The following INKA2 variants were observed in gnomAD, a reference collection of about 807,000 sequenced individuals.
INKA2 encodes PAK4-inhibitor INKA2.
In INKA2, 3 loss-of-function variants were observed where a neutral mutation model predicts 9.8. The ratio of observed to expected loss-of-function variants is 0.31; its 90% CI spans 0.14 to 0.79. INKA2 has a LOEUF of 0.79. Among genes scored for constraint, INKA2 ranks in the 30% least tolerant of loss-of-function variants. The pLI, the probability that INKA2 is intolerant of heterozygous loss-of-function variation, is 0.62. For synonymous variants in INKA2, 147 were observed against 143.3 expected, an observed-to-expected ratio of 1.03 and a Z score of -0.18; for missense variants, 392 against 384.4, an observed-to-expected ratio of 1.02 and a Z score of -0.17.
At position 111,755,726 on chromosome 1, in the gene INKA2, C is replaced by T. The variant is rs568546970; in HGVS notation, n.99G>A. On this transcript the variant is annotated non_coding_transcript_exon_variant, in exon 1 of 2. Transcript: ENST00000444059. ...CAGTTGCCTCATCTTTCCTCTCCTC[C>T]CTCTTGGGGCTTTCCTCAGGCCACA... is the stretch of plus-strand genomic sequence containing the variant. 3 of 1,613,940 alleles carry T rather than the reference C, an allele frequency of 1.9e-6. No homozygotes were observed. The South Asian group carries it at 3.3e-5, about 18-fold the overall frequency.
At position 111,724,385 on chromosome 1, in the gene INKA2, T is replaced by C. The variant is rs1662718201; in HGVS notation, c.*2583A>G. 6.6e-6 allele frequency: 1 copy of C among 152,220 alleles called. No homozygotes were observed. Among genetic ancestry groups the C allele is most frequent in the South Asian group, 2.1e-4 (1 of 4,820 alleles). The allele number at this position is 152,220 out of a possible 1,614,324, so 9.4% of individuals were successfully genotyped here. On this transcript the variant is annotated 3_prime_UTR_variant, in exon 2 of 2. Coordinates refer to ENST00000357260, the MANE Select transcript of INKA2 (RefSeq NM_019099.5). The stretch of plus-strand genomic sequence containing the variant: ...CACTGTGACCAGTCCACGAAACACG[T>C]GAGTTATAGGTGAATGTCCAAGAAG...
intron 1 of INKA2, among the ~76,000 whole-genome samples, chr1:111,738,950 CTCTG>C (rs1158486849): frequency 3.9e-5 from 6 of 152,320 alleles, no homozygotes; most frequent in East Asian, 1.9e-4. Context: ...GGCTTGCTCC[CTCTG>C]TCTCTCTGTC....
intron 1 of INKA2, among the ~76,000 whole-genome samples, 161 bp downstream of exon 1, chr1:111,739,025 G>C (rs1022029844): frequency 6.6e-6 from 1 of 152,042 alleles, no homozygotes; most frequent in African/African-American, 2.4e-5. Flanking sequence ...CCTTTCCTGA[G>C]GACAAGCCCT....
upstream of INKA2, among the ~76,000 whole-genome samples, chr1:111,743,954 G>A (rs991667663): frequency 2.0e-5 from 3 of 152,234 alleles, no homozygotes; most frequent in Non-Finnish European, 4.4e-5. Flanking sequence ...ATATCACTGC[G>A]GAACTGTTTC....
At chr1:111,752,756 T>G (rs529809314) in intron 1 of INKA2, among the ~76,000 whole-genome samples, 43 of 151,608 alleles carry the variant, frequency 2.8e-4, no homozygotes, top group Non-Finnish European at 5.0e-4. Context: ...TGCAGTGGTG[T>G]GATCTCGGCT....
intron 1 of INKA2, chr1:111,745,258 AG>A (rs1663236836): frequency 8.5e-6 from 1 of 117,294 alleles, no homozygotes; most frequent in African/African-American, 3.5e-5. Context: ...ACACACACAC[AG>A]AGATATTATA....
At chr1:111,728,530 A>C (rs1278226685) in intron 1 of INKA2, among the ~76,000 whole-genome samples, 4 of 152,196 alleles carry the variant, frequency 2.6e-5, no homozygotes, top group African/African-American at 9.7e-5. Flanking sequence ...TCCCTACTCC[A>C]AAAATCTGAA....
intron 1 of INKA2, among the ~76,000 whole-genome samples, chr1:111,735,101 T>C (rs774441464): frequency 6.2e-4 from 95 of 152,384 alleles, no homozygotes; most frequent in Non-Finnish European, 6.5e-4. Context: ...GGCAATTAAA[T>C]GACATCATAA....
At chr1:111,738,373 C>CCCCG (rs1663051352) in intron 1 of INKA2, among the ~76,000 whole-genome samples, 1 of 151,954 alleles carries the variant, frequency 6.6e-6, no homozygotes, top group Non-Finnish European at 1.5e-5. Flanking sequence ...TAGCGAACAC[C>CCCCG]ACTCCCCCGA....
At chr1:111,740,971 T>TAAAA (rs869221820), upstream of INKA2, among the ~76,000 whole-genome samples, 5 of 38,384 alleles carry the variant, frequency 1.3e-4, 2 homozygotes, top group South Asian at 1.9e-3. Flanking sequence ...AAACTCCGTT[T>TAAAA]AAAAAAAAAA....
At chr1:111,732,750 G>A (rs1557910597) in intron 1 of INKA2, among the ~76,000 whole-genome samples, 1 of 152,038 alleles carries the variant, frequency 6.6e-6, no homozygotes, top group African/African-American at 2.4e-5. Context: ...CCCACCCTCA[G>A]CGTCTCTGGA....
chr1:111,741,478 G>A (rs1387089823), upstream of INKA2, among the ~76,000 whole-genome samples: 2 of 152,188 alleles, frequency 1.3e-5, no homozygotes, highest in African/African-American at 2.4e-5. Flanking sequence ...CTGCCCCCAA[G>A]GACACAGCTG....
At chr1:111,746,625 A>G (rs1326943915) in intron 1 of INKA2, 2 of 152,260 alleles carry the variant, frequency 1.3e-5, no homozygotes, top group East Asian at 3.8e-4. Context: ...CCTCACAGAA[A>G]GACTGGAAGA....
At chr1:111,737,837 A>T (rs1220015730) in intron 1 of INKA2, among the ~76,000 whole-genome samples, 3 of 152,240 alleles carry the variant, frequency 2.0e-5, no homozygotes, top group Non-Finnish European at 4.4e-5. Flanking sequence ...CTGACCCTGG[A>T]GTAGGACTGA....
intron 1 of INKA2, among the ~76,000 whole-genome samples, chr1:111,737,117 T>G (rs1001893938): frequency 6.6e-6 from 1 of 152,170 alleles, no homozygotes; most frequent in Admixed American, 6.5e-5. Context: ...AGGCCAGGCA[T>G]TCGGCTTCCT....
chr1:111,738,559 C>T (rs1663058182), intron 1 of INKA2, among the ~76,000 whole-genome samples: 1 of 152,160 alleles, frequency 6.6e-6, no homozygotes, highest in Non-Finnish European at 1.5e-5. Context: ...GGCCCTCCCC[C>T]GCCTTTCCAG....
rs76435252 is a variant in INKA2, at chr1:111,726,550, G to T, written c.*418C>A. On this transcript the variant is annotated 3_prime_UTR_variant, in exon 2 of 2. Transcript: ENST00000357260. ...GTCTTTATTTGGGGGCCTATCTGGGGAACCTGATGCTCCAGGGCTCTTTTC... is the reference window on the plus strand; with the variant it reads ...GTCTTTATTTGGGGGCCTATCTGGGTAACCTGATGCTCCAGGGCTCTTTTC... 1,886 of 198,366 alleles carry T rather than the reference G, an allele frequency of 9.5e-3. 38 individuals are homozygous for T. The highest frequency in any genetic ancestry group is 0.041 in the African/African-American group (1,755 of 42,912). The allele number at this position is 198,366 out of a possible 1,614,324, so 12.3% of individuals were successfully genotyped here. A position where few individuals can be genotyped will look rare whatever the true frequency, so the allele number is the denominator to read the frequency against.
intron 1 of INKA2, chr1:111,754,169 G>A (rs1663472815): frequency 2.0e-5 from 3 of 152,194 alleles, no homozygotes; most frequent in African/African-American, 7.2e-5. Flanking sequence ...TTAGAAAGTG[G>A]CAAAGGAGTC....
intron 1 of INKA2, among the ~76,000 whole-genome samples, chr1:111,752,239 G>A (rs1416107347): frequency 1.3e-5 from 2 of 152,214 alleles, no homozygotes; most frequent in African/African-American, 4.8e-5. Context: ...AGGGCAAAAT[G>A]AACTTCTATC....
Sources: allele counts gnomAD v4.1 joint callset (sites outside exome capture counted in the v4.1 genomes callset), GRCh38; gene constraint gnomAD v4.1.1; transcripts MANE v1.5; gene names NCBI Gene and HGNC (gene_info 2026-07-23, HGNC 2026-07-21).